ESRP1: variants seen among roughly 807,000 people sequenced by gnomAD.
ESRP1 encodes the protein epithelial splicing regulatory protein 1, also known as RNA-binding motif protein 35A.
Under a neutral mutation model 81.7 loss-of-function variants are expected in ESRP1, and 33 were observed. That is an observed-to-expected ratio of 0.40 (90% CI 0.31 to 0.54). The LOEUF is 0.54. ESRP1 is among the 20% of genes least tolerant of loss of function. ESRP1 has a pLI of 0.41. For missense variants in ESRP1, 672 were observed against 833.1 expected, an observed-to-expected ratio of 0.81 and a Z score of 2.38; for synonymous variants, 320 against 303.3, an observed-to-expected ratio of 1.06 and a Z score of -0.57.
At chr8:94,689,830 T>TTTTTTTG (rs1809310998) in intron 13 of ESRP1, among the ~76,000 whole-genome samples, 1 of 95,468 alleles carries the variant, frequency 1.0e-5, no homozygotes, top group Admixed American at 1.2e-4. Flanking sequence ...TTTTTTTTTT[T>TTTTTTTG]TTTTTTGATG....
At chr8:94,682,930 ATATTTTTTTTTTTTTTTTT>A (rs1808973560) in intron 13 of ESRP1, among the ~76,000 whole-genome samples, 1 of 28,762 alleles carries the variant, frequency 3.5e-5, no homozygotes, top group Non-Finnish European at 5.4e-5. Context: ...ATATATATAT[ATATTTTTTTTTTTTTTTTT>A]TTTTTTTTTT....
intron 13 of ESRP1, among the ~76,000 whole-genome samples, chr8:94,680,435 CT>C (rs1359787577): frequency 2.0e-5 from 3 of 151,352 alleles, no homozygotes; most frequent in Admixed American, 6.6e-5. Flanking sequence ...ACATTAATTT[CT>C]TTTTTTTTGA....
At chr8:94,684,940 G>A (rs1809076895) in intron 13 of ESRP1, among the ~76,000 whole-genome samples, 1 of 151,640 alleles carries the variant, frequency 6.6e-6, no homozygotes, top group South Asian at 2.1e-4. Flanking sequence ...GAGGCTAGAG[G>A]ATTGCTTGAG....
chr8:94,644,402 G>A (rs1043632736), intron 3 of ESRP1, among the ~76,000 whole-genome samples: 1 of 152,136 alleles, frequency 6.6e-6, no homozygotes, highest in Non-Finnish European at 1.5e-5. Context: ...ATTTTATTTC[G>A]TTTAATATAT....
chr8:94,646,424 CTAAAA>C, intron 4 of ESRP1, 142 bp downstream of exon 4: 1 of 554,716 alleles, frequency 1.8e-6, no homozygotes, highest in Non-Finnish European at 3.2e-6. Flanking sequence ...TGCTGAGAAA[CTAAAA>C]TACAATTATA....
intron 13 of ESRP1, among the ~76,000 whole-genome samples, chr8:94,691,943 A>G (rs530177390): frequency 6.6e-6 from 1 of 152,320 alleles, no homozygotes; most frequent in South Asian, 2.1e-4. Context: ...GGGTGGGAAC[A>G]GGGTGAAACT....
chr8:94,676,470 T>A (rs910635558), intron 12 of ESRP1, among the ~76,000 whole-genome samples: 1 of 152,014 alleles, frequency 6.6e-6, no homozygotes, highest in Non-Finnish European at 1.5e-5. Flanking sequence ...ACACCTACTA[T>A]GTGTGTGTGT....
intron 4 of ESRP1, chr8:94,656,207 CAAAAAAAAAAA>C (rs896830829): frequency 9.9e-6 from 1 of 101,118 alleles, no homozygotes; most frequent in African/African-American, 4.1e-5. Flanking sequence ...ACCCTAGTCT[CAAAAAAAAAAA>C]AAAAAAAAAA....
At position 94,692,669 on chromosome 8, in the gene ESRP1, C is replaced by G; in HGVS notation, c.1821-8C>G. ...CCTATTGGTTCACTGTGCTTTCTCT[C>G]CCTTTAGCCCCCCAGGTTCGCCTAA... On this transcript the variant is annotated splice_polypyrimidine_tract_variant and splice_region_variant and intron_variant, in intron 13 of 15. Transcript: ENST00000433389. The G allele has an allele frequency of 6.2e-7, 1 of 1,612,280 alleles. No homozygotes were observed. The highest frequency in any genetic ancestry group is 1.1e-5 in the South Asian group (1 of 90,920).
At chr8:94,674,842 A>G (rs376594095) in intron 12 of ESRP1, among the ~76,000 whole-genome samples, 1 of 152,346 alleles carries the variant, frequency 6.6e-6, no homozygotes, top group East Asian at 1.9e-4. Flanking sequence ...TTAAAGGCAA[A>G]ATAAAAGTAT....
At chr8:94,697,527 T>TTA (rs1809652666) in intron 15 of ESRP1, among the ~76,000 whole-genome samples, 1 of 152,256 alleles carries the variant, frequency 6.6e-6, no homozygotes, top group South Asian at 2.1e-4. Flanking sequence ...GTAGCACGTG[T>TTA]TAATGCTTCA....
chr8:94,683,133 G>T (rs112123474), intron 13 of ESRP1, among the ~76,000 whole-genome samples: 1 of 149,952 alleles, frequency 6.7e-6, no homozygotes, highest in African/African-American at 2.5e-5. Flanking sequence ...TAGTAGAGAC[G>T]GTGTTTCTCC....
chr8:94,647,665 C>T (rs1032276317), intron 4 of ESRP1, among the ~76,000 whole-genome samples: 3 of 152,284 alleles, frequency 2.0e-5, no homozygotes. Flanking sequence ...CAGATAGTTA[C>T]ATTGGGGGTT....
intron 11 of ESRP1, among the ~76,000 whole-genome samples, chr8:94,672,227 C>T (rs1000129294): frequency 2.0e-5 from 3 of 151,998 alleles, no homozygotes; most frequent in African/African-American, 7.3e-5. Flanking sequence ...ACATGTTAGA[C>T]ATCAAATTAC....
Position 94,644,604 on chromosome 8 carries a change from C to T in ESRP1, c.375+1188C>T, listed in dbSNP as rs1300334229. On this transcript the variant is annotated intron_variant, in intron 3 of 15. Coordinates refer to ENST00000433389, the MANE Select transcript of ESRP1 (RefSeq NM_017697.4). ...AGGATTACTTTTTTACTCCCAAACT[C>T]ACATGACGGAAGGACAAGACTTAAT... Among the ~76,000 whole-genome samples, 8 of 152,282 alleles carry T rather than the reference C, an allele frequency of 5.3e-5. No homozygotes were observed. In the East Asian group the frequency reaches 1.5e-3, roughly 29 times the overall value.
At chr8:94,687,328 C>T (rs918557811) in intron 13 of ESRP1, among the ~76,000 whole-genome samples, 2 of 152,132 alleles carry the variant, frequency 1.3e-5, no homozygotes, top group African/African-American at 4.8e-5. Context: ...TTTATCCATT[C>T]ATCAGTTGAT....
rs1810078367 is a variant in ESRP1 at position 94,706,610 on chromosome 8, C to G, written c.*721C>G. ...AAATAATGAATTAGGGGCCAAAATG[C>G]AAAACGAAAAATGAAGCAGCTACAT... On this transcript the variant is annotated 3_prime_UTR_variant, in exon 16 of 16. Transcript: ENST00000433389. 1 of 152,496 alleles carries G rather than the reference C, an allele frequency of 6.6e-6. No individual in the cohort carries two copies. The highest frequency in any genetic ancestry group is 6.6e-5 in the Admixed American group (1 of 15,250). The allele number at this position is 152,496 out of a possible 1,614,324, so 9.4% of individuals were successfully genotyped here.
Position 94,706,804 on chromosome 8 carries a change from A to G in ESRP1, c.*915A>G, listed in dbSNP as rs1810085332. 6.6e-6 allele frequency: 1 copy of G among 152,256 alleles called. No homozygotes were observed. The highest frequency in any genetic ancestry group is 2.1e-4 in the South Asian group (1 of 4,838). 9.4% of individuals were successfully genotyped at this position (152,256 alleles called of 1,614,324 possible). The stretch of plus-strand genomic sequence containing the variant: ...TTTGAACAGTGTATTCTAGAAAACA[A>G]TACACTAACTGAACAGAAGTGAATG... On this transcript the variant is annotated 3_prime_UTR_variant, in exon 16 of 16. Coordinates refer to ENST00000433389, the MANE Select transcript of ESRP1 (RefSeq NM_017697.4).
At chr8:94,702,729 T>C (rs1487181000) in intron 15 of ESRP1, among the ~76,000 whole-genome samples, 2 of 152,128 alleles carry the variant, frequency 1.3e-5, no homozygotes, top group African/African-American at 2.4e-5. Context: ...GTGATCCGCC[T>C]GCCTCGGCCT....
Sources: allele counts gnomAD v4.1 joint callset (sites outside exome capture counted in the v4.1 genomes callset), GRCh38; gene constraint gnomAD v4.1.1; transcripts MANE v1.5; gene names NCBI Gene and HGNC (gene_info 2026-07-23, HGNC 2026-07-21).